Variants in PTPRT observed in about 807,000 individuals in gnomAD.
PTPRT encodes receptor-type tyrosine-protein phosphatase T.
PTPRT carries 56 observed loss-of-function variants against 176.8 expected under a neutral mutation model. The ratio of observed to expected loss-of-function variants is 0.32; its 90% CI spans 0.26 to 0.40. PTPRT has a LOEUF of 0.40. Ranked by LOEUF, PTPRT falls within the 10% of genes least tolerant of loss-of-function variation. The probability of loss-of-function intolerance (pLI) is 1.00; values close to 1 mark genes in which losing one functional copy is unlikely to be tolerated. For synonymous variants in PTPRT, 783 were observed against 739.0 expected (o/e 1.06, Z -0.96); for missense variants, 1,540 against 1,908.2 (o/e 0.81, Z 3.60).
intron 1 of PTPRT, among the ~76,000 whole-genome samples, chr20:43,068,676 G>C (rs1453009716): frequency 6.6e-6 from 1 of 152,076 alleles, no homozygotes; most frequent in Non-Finnish European, 1.5e-5. Context: ...ATCATACTTA[G>C]GGAGGCAGTA....
chr20:42,840,680 T>A (rs898164553), intron 2 of PTPRT, among the ~76,000 whole-genome samples: 1 of 152,214 alleles, frequency 6.6e-6, no homozygotes, highest in Admixed American at 6.5e-5. Context: ...CCCAAAGTGC[T>A]GGGATTACAG....
chr20:42,818,248 T>C lies in PTPRT; in HGVS notation c.215-26782A>G, dbSNP rs367850090. On this transcript the variant is annotated intron_variant, in intron 2 of 30. Transcript: ENST00000373187. ...CAAATCAGATGACTAGGTCCTAAAG[T>C]GAACCCCCAGCAAACTGCAGAAGCC... Among the ~76,000 whole-genome samples the C allele has an allele frequency of 3.3e-5, 5 of 151,898 alleles. No homozygotes were observed. The South Asian group carries it at 1.0e-3, about 32-fold the overall frequency.
chr20:42,088,920 CCAT>C (rs1333093377), intron 27 of PTPRT, among the ~76,000 whole-genome samples: 7 of 152,156 alleles, frequency 4.6e-5, no homozygotes, highest in African/African-American at 1.7e-4. Context: ...ATTGTTGAAT[CCAT>C]CAGTGCTCAA....
intron 1 of PTPRT, among the ~76,000 whole-genome samples, chr20:43,175,149 G>C (rs1384926472): frequency 6.6e-6 from 1 of 152,220 alleles, no homozygotes; most frequent in Non-Finnish European, 1.5e-5. Context: ...TGGGATGCGA[G>C]GAAGTCTCCT....
intron 5 of PTPRT, among the ~76,000 whole-genome samples, chr20:42,759,668 T>C (rs1403977698): frequency 6.6e-6 from 1 of 152,202 alleles, no homozygotes; most frequent in African/African-American, 2.4e-5. Context: ...TATCTACCAC[T>C]TGGCTTCTCG....
intron 7 of PTPRT, among the ~76,000 whole-genome samples, chr20:42,520,881 ATAGATAGT>A (rs1183568892): frequency 6.1e-5 from 9 of 148,056 alleles, no homozygotes; most frequent in Non-Finnish European, 1.2e-4. Flanking sequence ...AGATAGATAG[ATAGATAGT>A]AACTCATGCC....
chr20:42,691,271 G>C (rs1298689210), intron 6 of PTPRT, among the ~76,000 whole-genome samples: 1 of 152,204 alleles, frequency 6.6e-6, no homozygotes, highest in Non-Finnish European at 1.5e-5. Flanking sequence ...TAGGGAGTGA[G>C]GGAAGAAACA....
intron 19 of PTPRT, among the ~76,000 whole-genome samples, chr20:42,121,700 TA>T (rs1482550317): frequency 4.1e-4 from 6 of 14,488 alleles, no homozygotes; most frequent in African/African-American, 6.5e-4. Context: ...AAATTTTTTA[TA>T]TATATATATA....
intron 1 of PTPRT, among the ~76,000 whole-genome samples, chr20:43,061,622 A>T (rs768031243): frequency 2.2e-4 from 34 of 152,220 alleles, no homozygotes; most frequent in Admixed American, 6.5e-5. Context: ...AATTGCCAAT[A>T]TCTACTGAGC....
chr20:42,236,125 A>C (rs1374615218), intron 15 of PTPRT, 104 bp downstream of exon 15: 1 of 1,005,534 alleles, frequency 9.9e-7, no homozygotes, highest in Non-Finnish European at 1.5e-6. Flanking sequence ...ACTTAGACAG[A>C]AGTGAAAATG....
chr20:42,154,729 G>T (rs888410577), intron 17 of PTPRT, among the ~76,000 whole-genome samples: 7 of 152,108 alleles, frequency 4.6e-5, no homozygotes, highest in African/African-American at 1.7e-4. Context: ...TAAACCTGCT[G>T]CTCTTCTGAC....
intron 1 of PTPRT, among the ~76,000 whole-genome samples, chr20:43,170,005 A>G (rs1600768032): frequency 6.6e-6 from 1 of 151,994 alleles, no homozygotes; most frequent in South Asian, 2.1e-4. Context: ...TTCTATTTAC[A>G]CAATGTCTGG....
intron 1 of PTPRT, among the ~76,000 whole-genome samples, chr20:43,092,767 C>T (rs2011938459): frequency 6.6e-6 from 1 of 152,056 alleles, no homozygotes; most frequent in Non-Finnish European, 1.5e-5. Context: ...CATGGGTTGC[C>T]AAATAAAGAG....
At chr20:42,590,779 C>G (rs6102917) in intron 7 of PTPRT, among the ~76,000 whole-genome samples, 19,316 of 151,952 alleles carry the variant, frequency 0.13, 3,022 homozygotes, top group African/African-American at 0.37. Context: ...TATGAGAAAG[C>G]CTGCTCACTT....
intron 7 of PTPRT, among the ~76,000 whole-genome samples, chr20:42,576,923 G>A (rs531532711): frequency 5.3e-5 from 8 of 152,164 alleles, no homozygotes; most frequent in Non-Finnish European, 7.4e-5. Context: ...TTGCCTTACC[G>A]TCAGATGAGG....
intron 7 of PTPRT, among the ~76,000 whole-genome samples, chr20:42,473,950 A>G (rs1252551626): frequency 1.3e-5 from 2 of 152,166 alleles, no homozygotes; most frequent in Non-Finnish European, 2.9e-5. Context: ...CTTTGGATCC[A>G]CTTTTTAATT....
At chr20:42,451,831 G>A (rs1041300472) in intron 8 of PTPRT, among the ~76,000 whole-genome samples, 3 of 152,232 alleles carry the variant, frequency 2.0e-5, no homozygotes, top group Non-Finnish European at 4.4e-5. Flanking sequence ...GGGTTGAGAA[G>A]AGAGGGGAAG....
intron 6 of PTPRT, among the ~76,000 whole-genome samples, chr20:42,702,573 T>C (rs2075990077): frequency 6.6e-6 from 1 of 152,194 alleles, no homozygotes; most frequent in South Asian, 2.1e-4. Context: ...AACAATCTAC[T>C]TCAGTGCATC....
intron 7 of PTPRT, among the ~76,000 whole-genome samples, chr20:42,542,750 G>T (rs539011848): frequency 4.5e-4 from 69 of 152,098 alleles, no homozygotes; most frequent in Non-Finnish European, 9.3e-4. Context: ...ATATCTATTA[G>T]CAGGGGACTG....
Sources: allele counts gnomAD v4.1 joint callset (sites outside exome capture counted in the v4.1 genomes callset), GRCh38; gene constraint gnomAD v4.1.1; transcripts MANE v1.5; gene names NCBI Gene and HGNC (gene_info 2026-07-23, HGNC 2026-07-21).